Variants in COG2 observed in about 807,000 individuals in gnomAD.
COG2 encodes the protein component of oligomeric golgi complex 2, also known as conserved oligomeric Golgi complex subunit 2.
In COG2, 52 loss-of-function variants were observed where a neutral mutation model predicts 90.6. The ratio of observed to expected loss-of-function variants is 0.57; its 90% CI spans 0.46 to 0.72. COG2 has a LOEUF of 0.72. Among genes scored for constraint, COG2 ranks in the 30% least tolerant of loss-of-function variants. The probability of loss-of-function intolerance (pLI) is 0.00; values close to 1 mark genes in which losing one functional copy is unlikely to be tolerated. For synonymous variants in COG2, 337 were observed against 320.4 expected, an observed-to-expected ratio of 1.05 and a Z score of -0.55; for missense variants, 829 against 891.2, an observed-to-expected ratio of 0.93 and a Z score of 0.89.
At position 230,692,486 on chromosome 1, in the gene COG2, A is replaced by T. The variant is rs187983251; in HGVS notation, c.2116-806A>T. ...ATGAATTTAGAGATATATCCCGGTA[A>T]AAGTCAACTGCCATGTTTCTTTATT... On this transcript the variant is annotated intron_variant, in intron 17 of 17. Transcript: ENST00000366669. Among the ~76,000 whole-genome samples, 543 of 152,318 alleles carry T rather than the reference A, an allele frequency of 3.6e-3. 7 individuals are homozygous for T. Among genetic ancestry groups the T allele is most frequent in the African/African-American group, 0.012 (483 of 41,558 alleles).
intron 9 of COG2, chr1:230,677,924 T>G (rs1463026421): frequency 3.3e-6 from 2 of 598,040 alleles, no homozygotes; most frequent in Non-Finnish European, 4.2e-6. Context: ...AAGGGAAGAA[T>G]AATCCCTATT....
chr1:230,692,352 GAA>G (rs201583490), intron 17 of COG2, among the ~76,000 whole-genome samples: 18 of 132,270 alleles, frequency 1.4e-4, no homozygotes, highest in African/African-American at 4.6e-4. Flanking sequence ...AATAGAAAAA[GAA>G]AAAAAAAAAA....
Position 230,693,376 on chromosome 1 carries a change from A to G in COG2, c.2200A>G (p.Thr734Ala), listed in dbSNP as rs1663088886. Residue 734 changes from threonine (T) to alanine (A), a missense_variant, in exon 18 of 18, where the codon ACA becomes GCA. Physicochemically the swap from Thr to Ala is moderately conservative, Grantham distance 58. Coordinates refer to ENST00000366669, the MANE Select transcript of COG2 (RefSeq NM_007357.3). ...ELVAAAKDQA[T>A]AEQP is the part of the protein sequence containing the mutation. ...TGTTGCTGCTGCCAAGGACCAGGCA[A>G]CAGCAGAGCAGCCTTAAGCATCTTG... 1.9e-5 allele frequency: 31 copies of G among 1,611,452 alleles called. No homozygotes were observed. The highest frequency in any genetic ancestry group is 2.6e-5 in the Non-Finnish European group (31 of 1,178,030).
At chr1:230,661,629 A>G (rs1662179863) in intron 3 of COG2, 2 of 152,188 alleles carry the variant, frequency 1.3e-5, no homozygotes, top group African/African-American at 2.4e-5. Flanking sequence ...TCCCTGGCAC[A>G]TAGTATGCTC....
chr1:230,668,122 T>G (rs1662362304), intron 5 of COG2, among the ~76,000 whole-genome samples: 1 of 151,934 alleles, frequency 6.6e-6, no homozygotes, highest in Non-Finnish European at 1.5e-5. Flanking sequence ...TTTCATTCAT[T>G]GAGGAGACAA....
At chr1:230,659,354 G>A (rs1662130546) in intron 1 of COG2, 110 bp from the exon 2 acceptor site, 1 of 855,982 alleles carries the variant, frequency 1.2e-6, no homozygotes, top group African/African-American at 1.7e-5. Flanking sequence ...GCAGCAGCAT[G>A]GCCTTGTAAA....
rs555734341 is a variant in COG2 at position 230,669,042 on chromosome 1, C to T, written c.594+258C>T. The T allele has an allele frequency of 1.1e-5, 5 of 452,312 alleles. No homozygotes were observed. The South Asian group carries it at 2.7e-4, about 24-fold the overall frequency. 28.0% of individuals were successfully genotyped at this position (452,312 alleles called of 1,614,324 possible). ...AATTGGACATCTTATATGATGTAGA[C>T]AATTAATTTATCCAAAGCCCTTAAT... On this transcript the variant is annotated intron_variant, in intron 6 of 17. Transcript: ENST00000366669.
chr1:230,658,913 T>A lies in COG2; in HGVS notation c.73-551T>A, dbSNP rs190636514. On this transcript the variant is annotated intron_variant, in intron 1 of 17. Coordinates refer to ENST00000366669, the MANE Select transcript of COG2 (RefSeq NM_007357.3). ...AAAAGACATCCAAGTTGTATTGTTA[T>A]ATGGGGAAAAGCAGTTTACATAACA... Among the ~76,000 whole-genome samples, 407 of 152,318 alleles carry A rather than the reference T, an allele frequency of 2.7e-3. 3 individuals are homozygous for A. The highest frequency in any genetic ancestry group is 4.0e-3 in the Non-Finnish European group (270 of 68,018).
chr1:230,644,244 G>T (rs1661701890), intron 1 of COG2, among the ~76,000 whole-genome samples: 1 of 152,198 alleles, frequency 6.6e-6, no homozygotes. Flanking sequence ...ATTTTGTAGT[G>T]CTTATAAAAG....
At chr1:230,643,606 G>A (rs1258770578) in intron 1 of COG2, among the ~76,000 whole-genome samples, 1 of 120,418 alleles carries the variant, frequency 8.3e-6, no homozygotes, top group East Asian at 2.9e-4. Flanking sequence ...AGATTAATTA[G>A]CCTATCTCTT....
chr1:230,664,422 A>G lies in COG2; in HGVS notation c.382-62A>G. 4 of 691,640 alleles carry G rather than the reference A, an allele frequency of 5.8e-6. No homozygotes were observed. In the South Asian group the frequency reaches 1.0e-4, roughly 18 times the overall value. 42.8% of individuals were successfully genotyped at this position (691,640 alleles called of 1,614,324 possible). On this transcript the variant is annotated intron_variant, in intron 4 of 17. Transcript: ENST00000366669. ...TTTGTATTTTCCTGTACTTAGGATG[A>G]TGAAATAAGAAAATTAAGATTAAAC...
At chr1:230,671,467 G>A (rs1309561562) in intron 7 of COG2, 49 bp from the exon 8 acceptor site, 2 of 1,542,768 alleles carry the variant, frequency 1.3e-6, no homozygotes, top group Non-Finnish European at 1.8e-6. Flanking sequence ...TAGATCGTTT[G>A]TACTTCCCTT....
At chr1:230,660,687 A>T in intron 2 of COG2, 71 bp from the exon 3 acceptor site, 2 of 1,029,104 alleles carry the variant, frequency 1.9e-6, no homozygotes, top group African/African-American at 3.3e-5. Flanking sequence ...CACTACATTG[A>T]TCATTAAATG....
At chr1:230,666,815 T>C (rs1662332833) in intron 5 of COG2, among the ~76,000 whole-genome samples, 1 of 152,206 alleles carries the variant, frequency 6.6e-6, no homozygotes, top group African/African-American at 2.4e-5. Context: ...AATACTGTGC[T>C]AAGTGGAAAA....
At chr1:230,690,919 T>C (rs1394049024) in intron 16 of COG2, among the ~76,000 whole-genome samples, 1 of 152,178 alleles carries the variant, frequency 6.6e-6, no homozygotes, top group Non-Finnish European at 1.5e-5. Context: ...TTGAAGGCAA[T>C]GAGCTTTATT....
intron 10 of COG2, 133 bp from the exon 11 acceptor site, chr1:230,683,441 T>C (rs1662803962): frequency 2.0e-6 from 1 of 507,002 alleles, no homozygotes; most frequent in African/African-American, 2.1e-5. Flanking sequence ...CCTGGGAGAA[T>C]AGGCATTCCG....
At position 230,690,038 on chromosome 1, in the gene COG2, T is replaced by C; in HGVS notation, c.1819T>C (p.Tyr607His). The stretch of plus-strand genomic sequence containing the variant: ...GGAGGTCCCAACCACAGCTTCCTCC[T>C]ATGTGGACAGTGCTCTGAAGCCCTT... ...NKEVPTTASS[Y>H]VDSALKPLFQ... is the part of the protein sequence containing the mutation. Residue 607 changes from tyrosine to histidine, a missense_variant, in exon 16 of 18, where the codon TAT becomes CAT. Physicochemically the swap from Tyr to His is moderately conservative, Grantham distance 83. Coordinates refer to ENST00000366669, the MANE Select transcript of COG2 (RefSeq NM_007357.3). 1.2e-6 allele frequency: 2 copies of C among 1,609,846 alleles called. No individual in the cohort carries two copies. The highest frequency in any genetic ancestry group is 1.1e-5 in the South Asian group (1 of 90,246).
intron 17 of COG2, among the ~76,000 whole-genome samples, chr1:230,692,352 GAAAA>G (rs201583490): frequency 1.5e-5 from 2 of 132,248 alleles, no homozygotes; most frequent in South Asian, 2.4e-4. Context: ...AATAGAAAAA[GAAAA>G]AAAAAAAAGC....
chr1:230,669,352 G>T lies in COG2; in HGVS notation c.595-4G>T, dbSNP rs1662392453. ...TTTTTTTATTTACCCACCTTTTCTT[G>T]CAGCGTATAGCTGGCATTACAGCCA... On this transcript the variant is annotated splice_region_variant and splice_polypyrimidine_tract_variant and intron_variant, in intron 6 of 17. Transcript: ENST00000366669. 6.3e-7 allele frequency: 1 copy of T among 1,588,002 alleles called. No homozygotes were observed. The highest frequency in any genetic ancestry group is 1.1e-5 in the South Asian group (1 of 87,886).
Sources: gnomAD v4.1 joint callset for allele counts (sites outside exome capture counted in the v4.1 genomes callset) on GRCh38, gnomAD v4.1.1 for gene constraint, MANE v1.5 for transcripts, NCBI Gene and HGNC (gene_info 2026-07-23, HGNC 2026-07-21) for gene names.